Variants in HERC1 observed in about 807,000 individuals in gnomAD.
The protein encoded by HERC1 is HECT and RLD domain containing E3 ubiquitin protein ligase family member 1, also known as probable E3 ubiquitin-protein ligase HERC1.
HERC1 carries 160 observed loss-of-function variants against 554.3 expected under a neutral mutation model. The observed-to-expected ratio is 0.29, with a 90% CI of 0.25 to 0.33. HERC1 has a LOEUF of 0.33. Among genes scored for constraint, HERC1 ranks in the 10% least tolerant of loss-of-function variants. HERC1 has a pLI of 1.00. For synonymous variants in HERC1, 2,175 were observed against 2,131.7 expected (o/e 1.02, Z -0.56); for missense variants, 4,919 against 5,918.5 (o/e 0.83, Z 5.54).
intron 10 of HERC1, 56 bp from the exon 11 acceptor site, chr15:63,747,914 C>T (rs562242252): frequency 4.7e-5 from 69 of 1,476,790 alleles, no homozygotes; most frequent in East Asian, 4.0e-4. Context: ...TTTTTATGCA[C>T]GATCAAAAAC....
rs573952592 is a variant in HERC1 at position 63,788,712 on chromosome 15, T to C, written c.-26-13063A>G. ...CAGGTGGATCACCTGAGGTCAGGAG[T>C]TCGAGACCGGCCTGACCAACGTGGT... On this transcript the variant is annotated intron_variant, in intron 1 of 77. Coordinates refer to ENST00000443617, the MANE Select transcript of HERC1 (RefSeq NM_003922.4). Among the ~76,000 whole-genome samples the C allele has an allele frequency of 7.1e-4, 107 of 150,638 alleles. 2 individuals carry two copies. In the South Asian group the frequency reaches 0.022, roughly 31 times the overall value.
At position 63,645,652 on chromosome 15, in the gene HERC1, T is replaced by C. The variant is rs1471589993; in HGVS notation, c.10909A>G (p.Thr3637Ala). ...GCACATGTCATAAGAATATGACCTG[T>C]AGGGTCCCACTTCATGCTAATAAGA... ...DTLISMKWDP[T>A]GHILMTCAKE... The change falls in exon 56 of 78, where the codon ACA becomes GCA. Residue 3637 changes from threonine (T) to alanine (A), a missense_variant. This residue lies in a region of HERC1 where 1,963 missense variants were observed against 2,228.6 expected (regional missense o/e 0.88). Transcript: ENST00000443617. 1.9e-6 allele frequency: 3 copies of C among 1,603,178 alleles called. No individual in the cohort carries two copies. The highest frequency in any genetic ancestry group is 1.3e-5 in the African/African-American group (1 of 74,710).
chr15:63,731,578 T>G (rs1034427309), intron 14 of HERC1, among the ~76,000 whole-genome samples: 7 of 152,180 alleles, frequency 4.6e-5, no homozygotes, highest in African/African-American at 1.4e-4. Flanking sequence ...TCAGATTAAA[T>G]TTACATTTTT....
In HERC1 at chr15:63,690,538, A is replaced by C. The variant is rs1343891864; in HGVS notation, c.5937+3T>G. The C allele has an allele frequency of 6.3e-7, 1 of 1,587,402 alleles. No individual in the cohort carries two copies. On this transcript the variant is annotated splice_donor_region_variant and intron_variant, in intron 32 of 77. Coordinates refer to ENST00000443617, the MANE Select transcript of HERC1 (RefSeq NM_003922.4). ...ATCTTCTAATAATTTTAAAAATAAA[A>C]ACCTGGGCCATTTGATCATCTTCTA...
chr15:63,763,690 G>T (rs1370228229), intron 3 of HERC1, among the ~76,000 whole-genome samples: 1 of 151,940 alleles, frequency 6.6e-6, no homozygotes, highest in Admixed American at 6.6e-5. Context: ...GGTTACTTTG[G>T]GGAGGAGAAA....
Position 63,686,527 on chromosome 15 carries a change from G to A in HERC1, c.6057C>T (p.Gly2019=), listed in dbSNP as rs201690555. The A allele has an allele frequency of 2.7e-4, 437 of 1,612,044 alleles. 1 individual carries two copies. The African/African-American group carries it at 4.7e-3, about 17-fold the overall frequency. ...GATTCTCATCTTCTTCTTCCAACTC[G>A]CCCTGCTTCTACCAGAAAAGAAGCT... The part of the protein sequence containing the change: ...KEQEIKLQKQ[G]ELEEEDENLP... The change falls in exon 34 of 78, where the codon GGC becomes GGT. Residue 2019 remains glycine (G), a synonymous_variant. Transcript: ENST00000443617.
At chr15:63,703,320 C>T (rs1164398471) in intron 25 of HERC1, among the ~76,000 whole-genome samples, 2 of 152,172 alleles carry the variant, frequency 1.3e-5, no homozygotes, top group South Asian at 2.1e-4. Flanking sequence ...AGTATCCCCA[C>T]TGTCAAATAC....
chr15:63,824,647 T>C (rs867221615), intron 1 of HERC1, among the ~76,000 whole-genome samples: 29 of 152,076 alleles, frequency 1.9e-4, no homozygotes, highest in Non-Finnish European at 2.4e-4. Context: ...TGCACTCCCA[T>C]GTTCACTGCA....
intron 77 of HERC1, among the ~76,000 whole-genome samples, 189 bp from the exon 78 acceptor site, chr15:63,609,455 G>A (rs2067494563): frequency 4.6e-5 from 7 of 152,224 alleles, no homozygotes; most frequent in Admixed American, 4.6e-4. Context: ...TCGAGGCTCT[G>A]GGTGAAGATG....
At chr15:63,750,802 A>C (rs985950129) in intron 8 of HERC1, among the ~76,000 whole-genome samples, 20 of 152,108 alleles carry the variant, frequency 1.3e-4, no homozygotes, top group Non-Finnish European at 2.6e-4. Context: ...GCATTGTGGC[A>C]CAGGCCTGTG....
At chr15:63,646,042 C>T (rs1178010661) in intron 55 of HERC1, among the ~76,000 whole-genome samples, 2 of 152,210 alleles carry the variant, frequency 1.3e-5, no homozygotes, top group African/African-American at 2.4e-5. Context: ...AAAGAAGAGA[C>T]TTAAAAAAAT....
chr15:63,646,645 C>T (rs563909601), intron 55 of HERC1, among the ~76,000 whole-genome samples: 98 of 135,508 alleles, frequency 7.2e-4, no homozygotes, highest in Non-Finnish European at 1.3e-3. Context: ...AGTAAAAATA[C>T]AAAAAAAAAA....
chr15:63,807,044 C>G (rs375922721), intron 1 of HERC1, among the ~76,000 whole-genome samples: 1 of 152,176 alleles, frequency 6.6e-6, no homozygotes, highest in South Asian at 2.1e-4. Context: ...CCACACCCGG[C>G]CTGAGTGATT....
chr15:63,704,929 AG>A (rs1196236155), intron 25 of HERC1, among the ~76,000 whole-genome samples: 3 of 151,684 alleles, frequency 2.0e-5, no homozygotes, highest in Non-Finnish European at 4.4e-5. Flanking sequence ...TAGTAGAGAC[AG>A]GGTTTCACCA....
At chr15:63,687,975 C>T (rs1400693384) in intron 33 of HERC1, among the ~76,000 whole-genome samples, 2 of 152,170 alleles carry the variant, frequency 1.3e-5, no homozygotes, top group African/African-American at 4.8e-5. Context: ...TCAAGGAACT[C>T]TAGATTTTAT....
chr15:63,788,971 T>C (rs953147473), intron 1 of HERC1, among the ~76,000 whole-genome samples: 2 of 151,486 alleles, frequency 1.3e-5, no homozygotes, highest in African/African-American at 4.8e-5. Flanking sequence ...TAGGCAAATC[T>C]ATTAACATTA....
At chr15:63,632,943 C>G (rs1323582410) in intron 67 of HERC1, 132 bp from the exon 68 acceptor site, 5 of 638,768 alleles carry the variant, frequency 7.8e-6, no homozygotes, top group Non-Finnish European at 1.4e-5. Context: ...CGACCCAAAT[C>G]CAAACCTGAA....
rs369910646 is a variant in HERC1, at chr15:63,696,221, G to A, written c.5024C>T (p.Thr1675Met). 3.1e-6 allele frequency: 5 copies of A among 1,613,318 alleles called. No homozygotes were observed. Among genetic ancestry groups the A allele is most frequent in the Non-Finnish European group, 4.2e-6 (5 of 1,179,648 alleles). ...TGCTAGGAACTGCAGCCTCACAGAC[G>A]TGAGTAGTGTGGAGGACTGGAAGCC... ...SSGFQSSTLL[T>M]SVRLQFLAGC... Residue 1675 changes from threonine to methionine, a missense_variant, in exon 27 of 78, where the codon ACG becomes ATG. Coordinates refer to ENST00000443617, the MANE Select transcript of HERC1 (RefSeq NM_003922.4).
intron 24 of HERC1, among the ~76,000 whole-genome samples, chr15:63,710,818 C>T (rs2073254737): frequency 6.6e-6 from 1 of 152,040 alleles, no homozygotes; most frequent in Non-Finnish European, 1.5e-5. Flanking sequence ...CAGTTAAGGC[C>T]CTAAAGGGAA....
Sources: allele counts gnomAD v4.1 joint callset (sites outside exome capture counted in the v4.1 genomes callset), GRCh38; gene constraint gnomAD v4.1.1; regional missense constraint gnomAD v4.1.1; transcripts MANE v1.5; gene names NCBI Gene and HGNC (gene_info 2026-07-23, HGNC 2026-07-21).